Variants in DIP2C observed in about 807,000 individuals in gnomAD.
DIP2C encodes disco-interacting protein 2 homolog C.
Under a neutral mutation model 192.4 loss-of-function variants are expected in DIP2C, and 33 were observed. The ratio of observed to expected loss-of-function variants is 0.17; its 90% confidence interval spans 0.13 to 0.23. The LOEUF is 0.23. Among genes scored for constraint, DIP2C ranks in the 10% least tolerant of loss-of-function variants. The probability of loss-of-function intolerance (pLI) is 1.00; values close to 1 mark genes in which losing one functional copy is unlikely to be tolerated. For synonymous variants in DIP2C, 979 were observed against 864.1 expected (o/e 1.13, Z -2.33); for missense variants, 1,537 against 2,110.1 (o/e 0.73, Z 5.32).
In DIP2C at chr10:369,606, C is replaced by T. The variant is rs144463224; in HGVS notation, c.2019G>A (p.Pro673=). Residue 673 remains proline (P), a synonymous_variant, in exon 18 of 37, where the codon CCG becomes CCA. Transcript: ENST00000280886. ...RRPTDDSNQP[P]GRGVLSMHGL... ...CATGCATGGAGAGGACACCCCGGCCCGGGGGCTGGTTACTGTCATCCGTGG... is the reference window on the plus strand; with the variant it reads ...CATGCATGGAGAGGACACCCCGGCCTGGGGGCTGGTTACTGTCATCCGTGG... 10 of 1,613,704 alleles carry T rather than the reference C, an allele frequency of 6.2e-6. No individual in the cohort carries two copies. In the East Asian group the frequency reaches 8.9e-5, roughly 14 times the overall value.
intron 8 of DIP2C, among the ~76,000 whole-genome samples, chr10:411,366 A>C (rs1429165220): frequency 6.6e-6 from 1 of 152,214 alleles, no homozygotes; most frequent in Non-Finnish European, 1.5e-5. Flanking sequence ...ATTTTTATTA[A>C]GATTATGAAA....
intron 1 of DIP2C, among the ~76,000 whole-genome samples, chr10:494,256 G>A (rs927753563): frequency 2.6e-5 from 4 of 152,036 alleles, no homozygotes; most frequent in Admixed American, 1.3e-4. Context: ...ACACAAAAGC[G>A]CATGCAGTCC....
intron 1 of DIP2C, among the ~76,000 whole-genome samples, chr10:620,154 T>C (rs1226365807): frequency 1.3e-5 from 2 of 152,224 alleles, no homozygotes; most frequent in African/African-American, 2.4e-5. Flanking sequence ...ACGGAGAGCA[T>C]TTCCCCTTGT....
At chr10:642,323 G>A (rs1013084300) in intron 1 of DIP2C, among the ~76,000 whole-genome samples, 1 of 152,150 alleles carries the variant, frequency 6.6e-6, no homozygotes, top group African/African-American at 2.4e-5. Flanking sequence ...GTCACACTGG[G>A]GTGGGGCAGG....
At chr10:648,618 T>A (rs1469111921) in intron 1 of DIP2C, among the ~76,000 whole-genome samples, 1,105 of 57,180 alleles carry the variant, frequency 0.019, no homozygotes, top group Middle Eastern at 0.081. Flanking sequence ...TGAGGGTGGG[T>A]GAGAACAGAG....
Position 672,511 on chromosome 10 carries a change from C to T in DIP2C, c.85+16983G>A, listed in dbSNP as rs1830701262. On this transcript the variant is annotated intron_variant, in intron 1 of 36. Coordinates refer to ENST00000280886, the MANE Select transcript of DIP2C (RefSeq NM_014974.3). Reference sequence around the variant, plus strand: ...GAGCCAGAGATGAGCAGGTTCACATCCATCAAATGCGGCTGCAATCCCTGT... The same window carrying T: ...GAGCCAGAGATGAGCAGGTTCACATTCATCAAATGCGGCTGCAATCCCTGT... 2.0e-5 allele frequency among the ~76,000 whole-genome samples: 3 copies of T among 152,170 alleles called. No individual in the cohort carries two copies. The South Asian group carries it at 6.2e-4, about 32-fold the overall frequency.
chr10:626,731 C>G (rs1203623193), intron 1 of DIP2C, among the ~76,000 whole-genome samples: 3 of 152,134 alleles, frequency 2.0e-5, no homozygotes, highest in Non-Finnish European at 4.4e-5. Context: ...ATGGAACACC[C>G]CACGGTCACG....
intron 22 of DIP2C, among the ~76,000 whole-genome samples, chr10:361,756 G>A (rs1489992833): frequency 1.3e-5 from 2 of 152,070 alleles, no homozygotes; most frequent in Non-Finnish European, 2.9e-5. Flanking sequence ...GGCTGTTTAC[G>A]TCCCGAGGCG....
intron 1 of DIP2C, among the ~76,000 whole-genome samples, chr10:532,441 C>A (rs1847424913): frequency 6.6e-6 from 1 of 152,230 alleles, no homozygotes; most frequent in Non-Finnish European, 1.5e-5. Context: ...GAGTCAACAT[C>A]TACCTTAGAG....
intron 18 of DIP2C, among the ~76,000 whole-genome samples, chr10:367,844 G>A (rs542647336): frequency 4.4e-4 from 67 of 152,374 alleles, no homozygotes; most frequent in South Asian, 1.4e-3. Flanking sequence ...AGAAAACCCC[G>A]GAACCCAGGG....
intron 1 of DIP2C, among the ~76,000 whole-genome samples, chr10:588,272 C>T (rs930721095): frequency 2.0e-5 from 3 of 152,178 alleles, no homozygotes; most frequent in African/African-American, 7.2e-5. Flanking sequence ...CCTGACCCTC[C>T]GGAAACCCCA....
chr10:533,436 T>C (rs1447652953), intron 1 of DIP2C, among the ~76,000 whole-genome samples: 1 of 152,078 alleles, frequency 6.6e-6, no homozygotes, highest in Non-Finnish European at 1.5e-5. Context: ...CAAAGGCTTG[T>C]TTCTCTCAAG....
chr10:329,359 A>G, intron 30 of DIP2C, 74 bp downstream of exon 30: 2 of 1,471,786 alleles, frequency 1.4e-6, no homozygotes, highest in South Asian at 1.4e-5. Context: ...ACTTCACCCC[A>G]TCACAGATGT....
intron 4 of DIP2C, among the ~76,000 whole-genome samples, chr10:435,297 T>C (rs1281009717): frequency 6.6e-6 from 1 of 152,170 alleles, no homozygotes; most frequent in East Asian, 1.9e-4. Context: ...CTCTGGAAGG[T>C]AGACCTAGTT....
At chr10:593,496 C>T (rs879424475) in intron 1 of DIP2C, among the ~76,000 whole-genome samples, 3 of 125,774 alleles carry the variant, frequency 2.4e-5, no homozygotes, top group African/African-American at 5.9e-5. Flanking sequence ...CCCCCCCCCC[C>T]CCACCCTTTC....
chr10:476,507 G>A (rs549605306), intron 2 of DIP2C, among the ~76,000 whole-genome samples: 1 of 152,328 alleles, frequency 6.6e-6, no homozygotes, highest in South Asian at 2.1e-4. Context: ...AAAGCACCAA[G>A]CCAGGACTAT....
At chr10:552,144 A>G (rs370580883) in intron 1 of DIP2C, among the ~76,000 whole-genome samples, 5 of 152,360 alleles carry the variant, frequency 3.3e-5, no homozygotes, top group African/African-American at 9.6e-5. Context: ...GAGGCTGTCG[A>G]TGGCAGCTCT....
chr10:451,168 T>TAC (rs1176597750), intron 3 of DIP2C, among the ~76,000 whole-genome samples: 1 of 152,188 alleles, frequency 6.6e-6, no homozygotes, highest in East Asian at 1.9e-4. Context: ...CAGGCGTACG[T>TAC]ACACCTGGTA....
At position 324,810 on chromosome 10, in the gene DIP2C, G is replaced by A. The variant is rs184291991; in HGVS notation, c.3924+2196C>T. 8.8e-4 allele frequency: 385 copies of A among 435,476 alleles called. 2 individuals carry two copies. In the East Asian group the frequency reaches 0.018, roughly 20 times the overall value. The allele number at this position is 435,476 out of a possible 1,614,324, so 27.0% of individuals were successfully genotyped here. On this transcript the variant is annotated intron_variant, in intron 31 of 36. Transcript: ENST00000280886. Reference sequence around the variant, plus strand: ...CCGCCCTGGTGCCGAGGTAAGGACGGTGGCACGCTTCAGAAGCCTTGTGGA... The same window carrying A: ...CCGCCCTGGTGCCGAGGTAAGGACGATGGCACGCTTCAGAAGCCTTGTGGA...
Sources: gnomAD v4.1 joint callset for allele counts (sites outside exome capture counted in the v4.1 genomes callset) on GRCh38, gnomAD v4.1.1 for gene constraint, MANE v1.5 for transcripts, NCBI Gene and HGNC (gene_info 2026-07-23, HGNC 2026-07-21) for gene names.